The following GALNTL6 variants were observed in gnomAD, a reference collection of about 807,000 sequenced individuals.
The protein encoded by GALNTL6 is polypeptide N-acetylgalactosaminyltransferase-like 6.
In GALNTL6, 46 loss-of-function variants were observed where a neutral mutation model predicts 73.7. The observed-to-expected ratio is 0.62, with a 90% CI of 0.49 to 0.80. The LOEUF is 0.80. GALNTL6 is among the 30% of genes least tolerant of loss of function. The pLI is 0.00. For synonymous variants in GALNTL6, 259 were observed against 263.7 expected, an observed-to-expected ratio of 0.98 and a Z score of 0.17; for missense variants, 604 against 755.0, an observed-to-expected ratio of 0.80 and a Z score of 2.34.
intron 2 of GALNTL6, among the ~76,000 whole-genome samples, chr4:172,135,387 G>A (rs1187077267): frequency 1.3e-5 from 2 of 149,140 alleles, no homozygotes; most frequent in East Asian, 3.9e-4. Context: ...ACCCATAAAA[G>A]GAACTCTGTA....
chr4:172,555,852 A>T (rs1736122278), intron 5 of GALNTL6, among the ~76,000 whole-genome samples: 1 of 152,110 alleles, frequency 6.6e-6, no homozygotes, highest in African/African-American at 2.4e-5. Context: ...TGAGTAAAAA[A>T]TATGGAAAAT....
At chr4:172,288,808 A>G (rs779421198) in intron 3 of GALNTL6, among the ~76,000 whole-genome samples, 4 of 152,176 alleles carry the variant, frequency 2.6e-5, no homozygotes, top group African/African-American at 9.7e-5. Context: ...TGAATTGGAC[A>G]TAGAGTTTGC....
Position 172,764,192 on chromosome 4 carries a change from A to G in GALNTL6, c.554-45169A>G, listed in dbSNP as rs139820109. On this transcript the variant is annotated intron_variant, in intron 5 of 12. Coordinates refer to ENST00000506823, the MANE Select transcript of GALNTL6 (RefSeq NM_001034845.3). ...AGGCTGGTCTCAAACTCCCGACCTC[A>G]GATGGTCCGCCCGCCTTCGTCTCCC... is the stretch of plus-strand genomic sequence containing the variant. 3.3e-3 allele frequency among the ~76,000 whole-genome samples: 503 copies of G among 152,342 alleles called. 6 individuals are homozygous for G. The highest frequency in any genetic ancestry group is 0.012 in the African/African-American group (481 of 41,592).
chr4:171,836,861 G>C (rs912867480), intron 2 of GALNTL6, among the ~76,000 whole-genome samples: 2 of 152,102 alleles, frequency 1.3e-5, no homozygotes, highest in African/African-American at 4.8e-5. Context: ...CTTCATTATA[G>C]AAGAGAGTTA....
intron 5 of GALNTL6, among the ~76,000 whole-genome samples, chr4:172,672,834 A>G (rs1455470190): frequency 1.3e-5 from 2 of 152,000 alleles, no homozygotes; most frequent in African/African-American, 4.8e-5. Flanking sequence ...ATATTCTCTG[A>G]TGGTTGTTTG....
intron 4 of GALNTL6, among the ~76,000 whole-genome samples, chr4:172,340,206 G>A (rs1292500882): frequency 6.6e-6 from 1 of 152,090 alleles, no homozygotes. Context: ...ACTTAAAAAT[G>A]TGTCTATTTC....
chr4:171,938,693 G>T (rs2111008651), intron 2 of GALNTL6, among the ~76,000 whole-genome samples: 1 of 152,198 alleles, frequency 6.6e-6, no homozygotes, highest in South Asian at 2.1e-4. Flanking sequence ...TTCATGGGTT[G>T]GGAAATAGAA....
intron 2 of GALNTL6, among the ~76,000 whole-genome samples, chr4:172,044,565 A>G (rs755315838): frequency 2.6e-5 from 4 of 151,972 alleles, no homozygotes; most frequent in Non-Finnish European, 4.4e-5. Context: ...CCAAAGTTCT[A>G]TAATGATTAT....
At chr4:172,617,847 A>G (rs553199665) in intron 5 of GALNTL6, among the ~76,000 whole-genome samples, 5 of 152,282 alleles carry the variant, frequency 3.3e-5, no homozygotes, top group African/African-American at 1.2e-4. Flanking sequence ...AAAATACCAA[A>G]TGGAGTGAAT....
chr4:171,872,062 T>C (rs961947166), intron 2 of GALNTL6, among the ~76,000 whole-genome samples: 2 of 140,280 alleles, frequency 1.4e-5, no homozygotes, highest in Non-Finnish European at 3.0e-5. Flanking sequence ...TATGTTTAGA[T>C]GCTTTTTTTT....
chr4:172,561,235 G>C (rs1211325594), intron 5 of GALNTL6, among the ~76,000 whole-genome samples: 2 of 140,492 alleles, frequency 1.4e-5, no homozygotes, highest in Non-Finnish European at 1.5e-5. Flanking sequence ...AGTCCGGCCT[G>C]GGCGACAGAG....
intron 2 of GALNTL6, among the ~76,000 whole-genome samples, chr4:171,985,257 G>A (rs1740033205): frequency 6.6e-6 from 1 of 152,146 alleles, no homozygotes; most frequent in Non-Finnish European, 1.5e-5. Context: ...CACAATAATG[G>A]CAGAAGGTAA....
chr4:172,895,369 T>G (rs2111224853), intron 8 of GALNTL6, among the ~76,000 whole-genome samples: 1 of 148,210 alleles, frequency 6.7e-6, no homozygotes, highest in East Asian at 1.9e-4. Flanking sequence ...ACACTTTTCA[T>G]TTTTAGTGTT....
intron 5 of GALNTL6, among the ~76,000 whole-genome samples, chr4:172,619,270 C>T (rs1169542412): frequency 2.6e-5 from 4 of 152,116 alleles, no homozygotes; most frequent in Non-Finnish European, 4.4e-5. Context: ...GATCGACAGC[C>T]AATCACGTCT....
intron 9 of GALNTL6, among the ~76,000 whole-genome samples, chr4:172,948,936 A>G (rs1216796916): frequency 6.6e-6 from 1 of 152,056 alleles, no homozygotes; most frequent in East Asian, 1.9e-4. Context: ...ACTTATTGAT[A>G]TTGCCTATTC....
At chr4:172,406,079 A>T (rs1398288802) in intron 5 of GALNTL6, among the ~76,000 whole-genome samples, 1 of 152,108 alleles carries the variant, frequency 6.6e-6, no homozygotes, top group Admixed American at 6.6e-5. Flanking sequence ...GAAAAATCAT[A>T]AATAAGCAGA....
chr4:172,628,898 A>T (rs1003299510), intron 5 of GALNTL6, among the ~76,000 whole-genome samples: 1 of 148,470 alleles, frequency 6.7e-6, no homozygotes, highest in Non-Finnish European at 1.5e-5. Context: ...TCCTTCATTT[A>T]AAAAAAAAAG....
At chr4:171,941,664 T>C (rs1010207022) in intron 2 of GALNTL6, among the ~76,000 whole-genome samples, 1 of 152,042 alleles carries the variant, frequency 6.6e-6, no homozygotes, top group Admixed American at 6.6e-5. Flanking sequence ...CAGGTTTTCC[T>C]ACCTTTGAAA....
chr4:172,209,136 G>A (rs1453184281), intron 2 of GALNTL6, among the ~76,000 whole-genome samples: 1 of 151,974 alleles, frequency 6.6e-6, no homozygotes, highest in Non-Finnish European at 1.5e-5. Flanking sequence ...TTAAACTGAT[G>A]TCATATTCTT....
Sources: gnomAD v4.1 joint callset for allele counts (sites outside exome capture counted in the v4.1 genomes callset) on GRCh38, gnomAD v4.1.1 for gene constraint, MANE v1.5 for transcripts, NCBI Gene and HGNC (gene_info 2026-07-23, HGNC 2026-07-21) for gene names.